The following LGR6 variants were observed in gnomAD, a reference collection of about 807,000 sequenced individuals.
LGR6 encodes leucine-rich repeat-containing G protein-coupled receptor 6.
A neutral mutation model predicts 69.4 loss-of-function variants in LGR6; 45 were observed. The ratio of observed to expected loss-of-function variants is 0.65; its 90% CI spans 0.51 to 0.83. LGR6 has a LOEUF of 0.83. Among genes scored for constraint, LGR6 ranks in the 40% least tolerant of loss-of-function variants. LGR6 has a pLI of 0.00. For synonymous variants in LGR6, 538 were observed against 555.0 expected, an observed-to-expected ratio of 0.97 and a Z score of 0.43; for missense variants, 1,108 against 1,246.7, an observed-to-expected ratio of 0.89 and a Z score of 1.68.
chr1:202,318,480 A>G lies in LGR6; in HGVS notation c.2177A>G (p.Gln726Arg), dbSNP rs772314448. 3 of 1,613,820 alleles carry G rather than the reference A, an allele frequency of 1.9e-6. No homozygotes were observed. The highest frequency in any genetic ancestry group is 4.5e-5 in the East Asian group (2 of 44,872). ...CTGCCCTACGCGCCACCTGAGGGTC[A>G]GCCAGCAGCCCTGGGCTTCACCGTG... The part of the protein sequence containing the change: ...LCLPYAPPEG[Q>R]PAALGFTVAL... Residue 726 changes from glutamine (Q) to arginine (R), a missense_variant, in exon 18 of 18, where the codon CAG becomes CGG. Physicochemically the swap from Gln to Arg is conservative, Grantham distance 43 (BLOSUM62 1). Transcript: ENST00000367278.
intron 4 of LGR6, among the ~76,000 whole-genome samples, chr1:202,248,254 G>A (rs941417524): frequency 6.6e-6 from 1 of 152,206 alleles, no homozygotes; most frequent in African/African-American, 2.4e-5. Flanking sequence ...TACAGGTGAG[G>A]AAACCAAGCA....
intron 16 of LGR6, among the ~76,000 whole-genome samples, chr1:202,311,806 G>A (rs1194270132): frequency 6.6e-6 from 1 of 152,242 alleles, no homozygotes; most frequent in Non-Finnish European, 1.5e-5. Context: ...CATGTATAGG[G>A]AGAGTGCAAC....
intron 1 of LGR6, among the ~76,000 whole-genome samples, chr1:202,220,385 AT>A (rs1181688045): frequency 6.7e-6 from 1 of 149,208 alleles, no homozygotes; most frequent in African/African-American, 2.5e-5. Flanking sequence ...GGCCCGGCTA[AT>A]TTTTGTATTT....
In LGR6 at chr1:202,225,309, G is replaced by A; in HGVS notation, c.213-114G>A. 3.4e-6 allele frequency: 3 copies of A among 869,768 alleles called. No individual in the cohort carries two copies. The Admixed American group carries it at 5.2e-5, about 15-fold the overall frequency. 53.9% of individuals were successfully genotyped at this position (869,768 alleles called of 1,614,324 possible). On this transcript the variant is annotated intron_variant, in intron 1 of 17. Coordinates refer to ENST00000367278, the MANE Select transcript of LGR6 (RefSeq NM_001017403.2). ...CTGGCTTTGGAGTCAGAATGGCCTGGTGGGGGGTACTGTGGGAGCCTCGGA... is the reference window on the plus strand; with the variant it reads ...CTGGCTTTGGAGTCAGAATGGCCTGATGGGGGGTACTGTGGGAGCCTCGGA...
Position 202,194,125 on chromosome 1 carries a change from A to C in LGR6, c.136A>C (p.Ile46Leu). 6.4e-7 allele frequency: 1 copy of C among 1,569,286 alleles called. No individual in the cohort carries two copies. Residue 46 changes from isoleucine to leucine, a missense_variant, in exon 1 of 18, where the codon ATC becomes CTC. By Grantham distance (5) the Ile-to-Leu change is conservative. Transcript: ENST00000367278. ...CCCCTGCCACTGCCAGGAGGACGGC[A>C]TCATGCTGTCTGCCGACTGCTCTGA... ...PAPCHCQEDG[I>L]MLSADCSELG...
chr1:202,284,227 A>C (rs1666233884), intron 6 of LGR6, among the ~76,000 whole-genome samples: 1 of 152,206 alleles, frequency 6.6e-6, no homozygotes, highest in Non-Finnish European at 1.5e-5. Flanking sequence ...TGTAGTCATC[A>C]TCATTCCAGA....
chr1:202,291,745 C>T (rs1191158624), intron 6 of LGR6, among the ~76,000 whole-genome samples: 3 of 152,196 alleles, frequency 2.0e-5, no homozygotes, highest in African/African-American at 7.2e-5. Flanking sequence ...CTCAGTTTCT[C>T]ATCTCCAAAA....
chr1:202,314,820 A>C lies in LGR6; in HGVS notation c.1586A>C (p.Glu529Ala). Residue 529 changes from glutamate (E) to alanine (A), a missense_variant, in exon 17 of 18, where the codon GAG becomes GCG. By Grantham distance (107) the Glu-to-Ala change is moderately radical (BLOSUM62 -1). Coordinates refer to ENST00000367278, the MANE Select transcript of LGR6 (RefSeq NM_001017403.2). ...AENHYDQDLD[E>A]LQLEMEDSKP... is the part of the protein sequence containing the mutation. ...CTTTCAGATGACCAGGACCTGGATG[A>C]GCTCCAGCTGGAGATGGAGGACTCA... is the stretch of plus-strand genomic sequence containing the variant. The C allele has an allele frequency of 6.2e-7, 1 of 1,613,856 alleles. No individual in the cohort carries two copies. Among genetic ancestry groups the C allele is most frequent in the Admixed American group, 1.7e-5 (1 of 60,010 alleles).
chr1:202,221,408 T>C (rs961959612), intron 1 of LGR6, among the ~76,000 whole-genome samples: 1 of 152,056 alleles, frequency 6.6e-6, no homozygotes, highest in Non-Finnish European at 1.5e-5. Flanking sequence ...TCTGAGAACA[T>C]TTTCCTCATG....
chr1:202,276,427 A>C lies in LGR6; in HGVS notation c.550A>C (p.Asn184His), dbSNP rs764697058. The change falls in exon 5 of 18, where the codon AAC (asparagine) becomes CAC (histidine). Residue 184 changes from asparagine to histidine, a missense_variant. Physicochemically the swap from Asn to His is moderately conservative, Grantham distance 68. Coordinates refer to ENST00000367278, the MANE Select transcript of LGR6 (RefSeq NM_001017403.2). ...LTEIPVRALN[N>H]LPALQAMTLA... ...GGAGATCCCTGTCAGGGCCCTCAAC[A>C]ACCTCCCTGCCCTGCAGGCCATGAC... 6.2e-7 allele frequency: 1 copy of C among 1,614,134 alleles called. No individual in the cohort carries two copies. The highest frequency in any genetic ancestry group is 2.2e-5 in the East Asian group (1 of 44,878).
rs1558006106 is a variant in LGR6, at chr1:202,206,894, TTTATTTA to T, written c.212+12696_212+12702del. On this transcript the variant is annotated intron_variant, in intron 1 of 17. Transcript: ENST00000367278. ...GCACTGGGTGCTGCAAATTATTTTA[TTTATTTA>T]TTTATTTATTTATTTATTTATTTAT... Among the ~76,000 whole-genome samples, 12 of 6,324 alleles carry T rather than the reference TTTATTTA, an allele frequency of 1.9e-3. No individual in the cohort carries two copies. In the East Asian group the frequency reaches 0.045, roughly 24 times the overall value. 4.1% of individuals were successfully genotyped at this position (6,324 alleles called of 152,430 possible).
At position 202,317,939 on chromosome 1, in the gene LGR6, A is replaced by T; in HGVS notation, c.1649-13A>T. Reference sequence around the variant, plus strand: ...TCCTCTGGCCCAGGGTTAATGTCTGATCTCTCCTACAGGCCCCTTCAAGCC... The same window carrying T: ...TCCTCTGGCCCAGGGTTAATGTCTGTTCTCTCCTACAGGCCCCTTCAAGCC... On this transcript the variant is annotated splice_polypyrimidine_tract_variant and intron_variant, in intron 17 of 17. Coordinates refer to ENST00000367278, the MANE Select transcript of LGR6 (RefSeq NM_001017403.2). 4 of 1,588,012 alleles carry T rather than the reference A, an allele frequency of 2.5e-6. No individual in the cohort carries two copies. Among genetic ancestry groups the T allele is most frequent in the Non-Finnish European group, 3.4e-6 (4 of 1,165,290 alleles).
At position 202,310,153 on chromosome 1, in the gene LGR6, C is replaced by G. The variant is rs555348285; in HGVS notation, c.1407-44C>G. 28 of 1,606,960 alleles carry G rather than the reference C, an allele frequency of 1.7e-5. No homozygotes were observed. The East Asian group carries it at 2.5e-4, about 14-fold the overall frequency. ...TAAATCAGACTTAGGTCTTAGACCCCAAAGATGCTGAGGCAGCCAATCAGC... is the reference window on the plus strand; with the variant it reads ...TAAATCAGACTTAGGTCTTAGACCCGAAAGATGCTGAGGCAGCCAATCAGC... On this transcript the variant is annotated intron_variant, in intron 15 of 17. Transcript: ENST00000367278.
intron 17 of LGR6, among the ~76,000 whole-genome samples, chr1:202,317,118 G>A (rs1443337540): frequency 6.6e-6 from 1 of 152,130 alleles, no homozygotes; most frequent in East Asian, 1.9e-4. Flanking sequence ...TGGATCACTG[G>A]GGACTGACTG....
chr1:202,205,397 AACACACACACCTCCAAAC>A (rs1558005041), intron 1 of LGR6, among the ~76,000 whole-genome samples: 459 of 1,496 alleles, frequency 0.31, 3 homozygotes, highest in Admixed American at 0.42. Flanking sequence ...ACCTCCTTCA[AACACACACACCTCCAAAC>A]ACACACACAC....
chr1:202,210,439 A>C (rs577302899), intron 1 of LGR6, among the ~76,000 whole-genome samples: 1 of 151,504 alleles, frequency 6.6e-6, no homozygotes, highest in Admixed American at 6.5e-5. Context: ...AAAAAAAAAA[A>C]AAAACAAAAA....
At chr1:202,223,374 T>C (rs1195445129) in intron 1 of LGR6, among the ~76,000 whole-genome samples, 1 of 152,170 alleles carries the variant, frequency 6.6e-6, no homozygotes, top group Non-Finnish European at 1.5e-5. Context: ...CATTTGAGAC[T>C]AAACAGTCTT....
chr1:202,305,562 G>C (rs928432577), intron 11 of LGR6, 122 bp from the exon 12 acceptor site: 1 of 777,930 alleles, frequency 1.3e-6, no homozygotes, highest in Non-Finnish European at 2.2e-6. Context: ...TGTCCCTGTG[G>C]GGTCCCCACA....
chr1:202,228,857 A>G (rs1660778757), intron 3 of LGR6, among the ~76,000 whole-genome samples: 1 of 152,104 alleles, frequency 6.6e-6, no homozygotes, highest in African/African-American at 2.4e-5. Context: ...GGAGCAACAG[A>G]ATGAGCATTT....
Sources: gnomAD v4.1 joint callset for allele counts (sites outside exome capture counted in the v4.1 genomes callset) on GRCh38, gnomAD v4.1.1 for gene constraint, MANE v1.5 for transcripts, NCBI Gene and HGNC (gene_info 2026-07-23, HGNC 2026-07-21) for gene names.